The following FLOT1 variants were observed in gnomAD, a reference collection of about 807,000 sequenced individuals.
FLOT1 encodes flotillin 1, also known as flotillin-1.
A neutral mutation model predicts 58.4 loss-of-function variants in FLOT1; 40 were observed. The ratio of observed to expected loss-of-function variants is 0.69; its 90% CI spans 0.53 to 0.89. The LOEUF is 0.89. FLOT1 is among the 40% of genes least tolerant of loss of function. The pLI is 0.00. For missense variants in FLOT1, 423 were observed against 540.8 expected, an observed-to-expected ratio of 0.78 and a Z score of 2.16; for synonymous variants, 178 against 204.2, an observed-to-expected ratio of 0.87 and a Z score of 1.09.
chr6:30,732,332 T>C (rs555013172), intron 8 of FLOT1, among the ~76,000 whole-genome samples: 92 of 152,118 alleles, frequency 6.0e-4, no homozygotes, highest in African/African-American at 2.2e-3. Context: ...AAGATGCTAG[T>C]GAGGAGAGGT....
In FLOT1 at chr6:30,730,036, C is replaced by A; in HGVS notation, c.1240G>T (p.Val414Leu). The change falls in exon 12 of 13, where the codon GTG becomes TTG. Residue 414 changes from valine to leucine, a missense_variant. Val to Leu is a conservative substitution (Grantham distance 32, BLOSUM62 1). This residue lies in a region of FLOT1 where 44 missense variants were observed against 40.3 expected (regional missense o/e 1.09). Transcript: ENST00000376389. Reference protein sequence around the residue: ...LPESVERLTGVSISQVNHKPL... With the variant: ...LPESVERLTGLSISQVNHKPL... ...TGAGACCTCACCTGGGAGATGCTCA[C>A]GCCTGTGAGTCTTTCCACACTCTCT... is the stretch of plus-strand genomic sequence containing the variant. 1 of 1,613,048 alleles carries A rather than the reference C, an allele frequency of 6.2e-7. No homozygotes were observed. Among genetic ancestry groups the A allele is most frequent in the South Asian group, 1.1e-5 (1 of 91,082 alleles).
intron 8 of FLOT1, among the ~76,000 whole-genome samples, chr6:30,739,843 G>T (rs1429403823): frequency 6.6e-6 from 1 of 151,096 alleles, no homozygotes; most frequent in African/African-American, 2.4e-5. Flanking sequence ...TGTATTTTTC[G>T]CATAGACACG....
intron 6 of FLOT1, 39 bp downstream of exon 6, chr6:30,740,640 G>A (rs772477281): frequency 1.2e-6 from 2 of 1,612,992 alleles, no homozygotes; most frequent in Non-Finnish European, 1.7e-6. Flanking sequence ...TAAGAGATGG[G>A]AGCAAGGAAG....
intron 8 of FLOT1, among the ~76,000 whole-genome samples, chr6:30,739,607 A>T (rs2127778897): frequency 6.6e-6 from 1 of 152,024 alleles, no homozygotes; most frequent in East Asian, 1.9e-4. Context: ...TGACCTTGTG[A>T]TCCACCTGCC....
chr6:30,741,096 G>A lies in FLOT1; in HGVS notation c.354+94C>T. 2 of 1,460,398 alleles carry A rather than the reference G, an allele frequency of 1.4e-6. No individual in the cohort carries two copies. The highest frequency in any genetic ancestry group is 1.9e-6 in the Non-Finnish European group (2 of 1,059,210). The allele number at this position is 1,460,398 out of a possible 1,614,324, so 90.5% of individuals were successfully genotyped here. On this transcript the variant is annotated intron_variant, in intron 5 of 12. Coordinates refer to ENST00000376389, the MANE Select transcript of FLOT1 (RefSeq NM_005803.4). The surrounding 1 kb of genome is among the most constrained non-coding windows in gnomAD (Gnocchi z 5.9). ...ACCACCCTGCCCGGCCGGGATGTAT[G>A]CTCTTGGATCCACTGTCTCTCACAG...
intron 6 of FLOT1, 38 bp from the exon 7 acceptor site, chr6:30,740,629 T>A: frequency 6.2e-7 from 1 of 1,612,936 alleles, no homozygotes; most frequent in Non-Finnish European, 8.5e-7. Context: ...TTTGGAGGGC[T>A]TAAGAGATGG....
Position 30,730,971 on chromosome 6 carries a change from T to G in FLOT1, c.853A>C (p.Lys285Gln). ...TTGTAGCGCTCCGCTTCCGCTGGCT[T>G]CCGCACCCGGGCCTCCAGCTCCTTC... ...REKELEARVR[K>Q]PAEAERYKLE... Residue 285 changes from lysine to glutamine, a missense_variant, in exon 9 of 13, where the codon AAG becomes CAG. Coordinates refer to ENST00000376389, the MANE Select transcript of FLOT1 (RefSeq NM_005803.4). 1 of 1,613,988 alleles carries G rather than the reference T, an allele frequency of 6.2e-7. No individual in the cohort carries two copies. Among genetic ancestry groups the G allele is most frequent in the Non-Finnish European group, 8.5e-7 (1 of 1,179,960 alleles).
At position 30,741,441 on chromosome 6, in the gene FLOT1, G is replaced by A; in HGVS notation, c.211-108C>T. 6.8e-7 allele frequency: 1 copy of A among 1,470,472 alleles called. No homozygotes were observed. The highest frequency in any genetic ancestry group is 9.4e-7 in the Non-Finnish European group (1 of 1,064,728). The allele number at this position is 1,470,472 out of a possible 1,614,324, so 91.1% of individuals were successfully genotyped here. ...CTAAGAAATGCTTCTTCCATTTCAG[G>A]GAAAGAAAGGAGGAGGAGGCAAGTG... On this transcript the variant is annotated intron_variant, in intron 4 of 12. Transcript: ENST00000376389. The surrounding 1 kb of genome is among the most constrained non-coding windows in gnomAD (Gnocchi z 5.9).
chr6:30,730,261 T>A, intron 11 of FLOT1, 75 bp from the exon 12 acceptor site: 1 of 1,562,520 alleles, frequency 6.4e-7, no homozygotes, highest in Non-Finnish European at 8.8e-7. Context: ...CTCTGGGTTT[T>A]AAGGTCCTCG....
At chr6:30,734,701 G>T (rs1475989122) in intron 8 of FLOT1, among the ~76,000 whole-genome samples, 1 of 152,006 alleles carries the variant, frequency 6.6e-6, no homozygotes, top group Non-Finnish European at 1.5e-5. Context: ...AGGTTACCAA[G>T]CATACCCTGT....
Position 30,737,693 on chromosome 6 carries a change from C to G in FLOT1, c.723+2465G>C, listed in dbSNP as rs958921362. Reference sequence around the variant, plus strand: ...GAAACTTTCTCTACCACCCGCTAACCTAATATACTAACTCCCCTCCCACAG... The same window carrying G: ...GAAACTTTCTCTACCACCCGCTAACGTAATATACTAACTCCCCTCCCACAG... On this transcript the variant is annotated intron_variant, in intron 8 of 12. Coordinates refer to ENST00000376389, the MANE Select transcript of FLOT1 (RefSeq NM_005803.4). The surrounding 1 kb of genome is among the most constrained non-coding windows in gnomAD (Gnocchi z 4.4). Among the ~76,000 whole-genome samples, 3 of 152,190 alleles carry G rather than the reference C, an allele frequency of 2.0e-5. No homozygotes were observed. The highest frequency in any genetic ancestry group is 6.5e-5 in the Admixed American group (1 of 15,278).
In FLOT1 at chr6:30,734,316, T is replaced by A. The variant is rs1018075837; in HGVS notation, c.724-3216A>T. Among the ~76,000 whole-genome samples the A allele has an allele frequency of 6.6e-5, 10 of 151,738 alleles. No homozygotes were observed. The East Asian group carries it at 1.7e-3, about 26-fold the overall frequency. On this transcript the variant is annotated intron_variant, in intron 8 of 12. Coordinates refer to ENST00000376389, the MANE Select transcript of FLOT1 (RefSeq NM_005803.4). ...ACATTTGCATGTGCTTGACTTTTTT[T>A]TTTTTTTTTGGAGATGGAGTCTCGC...
chr6:30,730,060 C>T lies in FLOT1; in HGVS notation c.1216G>A (p.Glu406Lys). Reference sequence around the variant, plus strand: ...ACGCCTGTGAGTCTTTCCACACTCTCTGGCAGGCGAGTTAGAATGTCCAGT... The same window carrying T: ...ACGCCTGTGAGTCTTTCCACACTCTTTGGCAGGCGAGTTAGAATGTCCAGT... Reference protein sequence around the residue: ...EVLDILTRLPESVERLTGVSI... With the variant: ...EVLDILTRLPKSVERLTGVSI... The change falls in exon 12 of 13, where the codon GAG becomes AAG. Residue 406 changes from glutamate to lysine, a missense_variant. Transcript: ENST00000376389. 1 of 1,613,080 alleles carries T rather than the reference C, an allele frequency of 6.2e-7. No individual in the cohort carries two copies. The highest frequency in any genetic ancestry group is 1.7e-5 in the Admixed American group (1 of 60,018).
At chr6:30,734,752 C>T (rs1234834304) in intron 8 of FLOT1, among the ~76,000 whole-genome samples, 1 of 152,048 alleles carries the variant, frequency 6.6e-6, no homozygotes, top group African/African-American at 2.4e-5. Flanking sequence ...TGATGGCTTG[C>T]TCTGTTGCCC....
intron 12 of FLOT1, among the ~76,000 whole-genome samples, chr6:30,728,924 GGCACACACCGCCAC>G (rs1314029115): frequency 6.6e-6 from 1 of 151,916 alleles, no homozygotes; most frequent in Non-Finnish European, 1.5e-5. Context: ...TGGGACTACA[GGCACACACCGCCAC>G]GCCCGGCTGT....
rs1333417129 is a variant in FLOT1 at position 30,741,464 on chromosome 6, G to C, written c.211-131C>G. ...AGGGAAAGAAAGGAGGAGGAGGCAA[G>C]TGCCTTGGGGTGCCTGGAAAAGATG... On this transcript the variant is annotated intron_variant, in intron 4 of 12. Coordinates refer to ENST00000376389, the MANE Select transcript of FLOT1 (RefSeq NM_005803.4). The surrounding 1 kb of genome is among the most constrained non-coding windows in gnomAD (Gnocchi z 5.9). The C allele has an allele frequency of 7.7e-7, 1 of 1,305,000 alleles. No individual in the cohort carries two copies. Among genetic ancestry groups the C allele is most frequent in the Middle Eastern group, 2.0e-4 (1 of 5,058 alleles). 80.8% of individuals were successfully genotyped at this position (1,305,000 alleles called of 1,614,324 possible).
intron 8 of FLOT1, among the ~76,000 whole-genome samples, chr6:30,732,757 C>G (rs935361679): frequency 6.6e-6 from 1 of 152,128 alleles, no homozygotes; most frequent in Non-Finnish European, 1.5e-5. Flanking sequence ...TACCTTCCCC[C>G]GGGCCCATCT....
At chr6:30,735,958 A>T (rs1353761376) in intron 8 of FLOT1, among the ~76,000 whole-genome samples, 2 of 150,840 alleles carry the variant, frequency 1.3e-5, no homozygotes, top group East Asian at 1.9e-4. Context: ...TTTTTTTTTT[A>T]AAGCCTAGTC....
At chr6:30,736,313 A>G (rs116665572) in intron 8 of FLOT1, 11,203 of 151,838 alleles carry the variant, frequency 0.074, 672 homozygotes, top group African/African-American at 0.16. Flanking sequence ...AGAAAGACTA[A>G]TCAAGTGCAA....
Sources: allele counts gnomAD v4.1 joint callset (sites outside exome capture counted in the v4.1 genomes callset), GRCh38; gene constraint gnomAD v4.1.1; regional missense constraint gnomAD v4.1.1; non-coding constraint Gnocchi (gnomAD v3.1); transcripts MANE v1.5; gene names NCBI Gene and HGNC (gene_info 2026-07-23, HGNC 2026-07-21).